Variants in HSBP1L1 observed in about 807,000 individuals in gnomAD.
The protein encoded by HSBP1L1 is heat shock factor binding protein 1 like 1.
HSBP1L1 carries 8 observed loss-of-function variants against 9.7 expected under a neutral mutation model. The observed-to-expected ratio is 0.82, with a 90% CI of 0.48 to 1.48. The LOEUF (loss-of-function observed/expected upper bound fraction) is 1.48. HSBP1L1 is among the 40% of genes most tolerant of loss of function. The pLI is 0.00. For synonymous variants in HSBP1L1, 39 were observed against 34.4 expected (o/e 1.13, Z -0.46); for missense variants, 106 against 95.8 (o/e 1.11, Z -0.44).
Position 79,967,751 on chromosome 18 carries a change from G to A in HSBP1L1, c.119-338G>A, listed in dbSNP as rs1212793864. On this transcript the variant is annotated intron_variant, in intron 2 of 3. Coordinates refer to ENST00000451882, the MANE Select transcript of HSBP1L1 (RefSeq NM_001136180.2). Reference sequence around the variant, plus strand: ...ATCACACCACTGCACTCCAGCCTGGGGGAAGAGCAAGACCCTACAAACAAA... The same window carrying A: ...ATCACACCACTGCACTCCAGCCTGGAGGAAGAGCAAGACCCTACAAACAAA... 5 of 187,526 alleles carry A rather than the reference G, an allele frequency of 2.7e-5. No individual in the cohort carries two copies. In the East Asian group the frequency reaches 7.5e-4, roughly 28 times the overall value. The allele number at this position is 187,526 out of a possible 1,614,324, so 11.6% of individuals were successfully genotyped here.
chr18:79,967,989 A>G (rs1356597750), intron 2 of HSBP1L1, 100 bp from the exon 3 acceptor site: 1 of 646,584 alleles, frequency 1.5e-6, no homozygotes, highest in Non-Finnish European at 2.7e-6. Flanking sequence ...CTCATTTCAA[A>G]AGTTGCATGT....
chr18:79,964,827 C>A, intron 1 of HSBP1L1, 41 bp downstream of exon 1: 4 of 1,177,700 alleles, frequency 3.4e-6, no homozygotes, highest in Non-Finnish European at 4.3e-6. Context: ...TGGATGGGGG[C>A]GCCCCTGCGG....
intron 2 of HSBP1L1, 112 bp from the exon 3 acceptor site, chr18:79,967,977 C>T (rs1435120203): frequency 1.8e-5 from 11 of 615,572 alleles, no homozygotes; most frequent in Non-Finnish European, 2.9e-5. Flanking sequence ...GTCGTTGATT[C>T]CCTCATTTCA....
At chr18:79,969,658 CCTG>C (rs796323504) in intron 3 of HSBP1L1, among the ~76,000 whole-genome samples, 17 of 152,342 alleles carry the variant, frequency 1.1e-4, no homozygotes, top group African/African-American at 4.1e-4. Context: ...AACCAAGTTT[CCTG>C]CAGACACACT....
At chr18:79,966,473 G>A in intron 1 of HSBP1L1, 139 bp from the exon 2 acceptor site, 1 of 598,798 alleles carries the variant, frequency 1.7e-6, no homozygotes, top group South Asian at 1.9e-5. Context: ...AATCCAGGAG[G>A]CGGAGGTTGT....
chr18:79,969,000 G>A (rs1467835608), intron 3 of HSBP1L1, among the ~76,000 whole-genome samples: 2 of 139,160 alleles, frequency 1.4e-5, no homozygotes, highest in Admixed American at 7.5e-5. Flanking sequence ...TGTGAATGGT[G>A]AAAGCCCGTC....
In HSBP1L1 at chr18:79,970,614, T is replaced by C. The variant is rs1172679702; in HGVS notation, c.*163T>C. 1 of 618,608 alleles carries C rather than the reference T, an allele frequency of 1.6e-6. No individual in the cohort carries two copies. The highest frequency in any genetic ancestry group is 1.8e-5 in the African/African-American group (1 of 54,550). 38.3% of individuals were successfully genotyped at this position (618,608 alleles called of 1,614,324 possible). On this transcript the variant is annotated 3_prime_UTR_variant, in exon 4 of 4. Transcript: ENST00000451882. ...GTGCCTGCACCAGAGAAGGAGGCCA[T>C]CGGCAAGCCAAGGAGAGCCCTCCCC... is the stretch of plus-strand genomic sequence containing the variant.
At chr18:79,966,478 G>A in intron 1 of HSBP1L1, 134 bp from the exon 2 acceptor site, 1 of 613,950 alleles carries the variant, frequency 1.6e-6, no homozygotes, top group South Asian at 1.9e-5. Context: ...AGGAGGCGGA[G>A]GTTGTAGTGA....
At chr18:79,969,298 G>A (rs1464642475) in intron 3 of HSBP1L1, among the ~76,000 whole-genome samples, 18 of 67,510 alleles carry the variant, frequency 2.7e-4, no homozygotes, top group African/African-American at 6.8e-4. Flanking sequence ...GAGGGAGGGA[G>A]AGAGAGAGAG....
At chr18:79,965,918 CATG>C (rs926069610) in intron 1 of HSBP1L1, among the ~76,000 whole-genome samples, 3 of 152,090 alleles carry the variant, frequency 2.0e-5, no homozygotes, top group Non-Finnish European at 4.4e-5. Context: ...GGGTTTATCC[CATG>C]ATATTTATTT....
At chr18:79,969,265 AGG>A (rs1568356418) in intron 3 of HSBP1L1, among the ~76,000 whole-genome samples, 226 of 16,218 alleles carry the variant, frequency 0.014, 24 homozygotes, top group African/African-American at 0.031. Context: ...AGAGAGAGGG[AGG>A]GAGGGAGGGA....
At chr18:79,968,211 C>A in intron 3 of HSBP1L1, 28 bp downstream of exon 3, 4 of 1,337,174 alleles carry the variant, frequency 3.0e-6, no homozygotes, top group African/African-American at 1.4e-5. Context: ...CTATGTCAAC[C>A]GTTTTCGTAT....
At chr18:79,969,331 A>AAGAAAGAAAG (rs1351455464) in intron 3 of HSBP1L1, among the ~76,000 whole-genome samples, 1 of 71,974 alleles carries the variant, frequency 1.4e-5, no homozygotes, top group African/African-American at 5.8e-5. Flanking sequence ...GAAAGAAAGA[A>AAGAAAGAAAG]AAAGAAAGAA....
intron 3 of HSBP1L1, chr18:79,970,210 G>C: frequency 2.1e-6 from 1 of 477,626 alleles, no homozygotes; most frequent in South Asian, 3.1e-5. Context: ...TATCTACCTG[G>C]TAAGTGGTTG....
chr18:79,966,747 T>C, intron 2 of HSBP1L1, 69 bp downstream of exon 2: 2 of 1,155,394 alleles, frequency 1.7e-6, no homozygotes, highest in Non-Finnish European at 2.5e-6. Context: ...GAGTATCTTT[T>C]TGTTGTCTGG....
chr18:79,968,518 G>A (rs2051268989), intron 3 of HSBP1L1, among the ~76,000 whole-genome samples: 1 of 152,136 alleles, frequency 6.6e-6, no homozygotes, highest in African/African-American at 2.4e-5. Context: ...TACAGACGGG[G>A]TTTCACTATG....
intron 3 of HSBP1L1, among the ~76,000 whole-genome samples, chr18:79,969,751 CCTTGCTT>C (rs754498622): frequency 1.7e-3 from 264 of 151,724 alleles, no homozygotes; most frequent in Non-Finnish European, 1.3e-3. Context: ...GCCTTCTGCC[CCTTGCTT>C]TTTTGTTCAG....
At chr18:79,965,837 GAA>G (rs953788404) in intron 1 of HSBP1L1, among the ~76,000 whole-genome samples, 2 of 152,196 alleles carry the variant, frequency 1.3e-5, no homozygotes, top group African/African-American at 4.8e-5. Flanking sequence ...GCTGCTTGTT[GAA>G]AAGACTTTCC....
In HSBP1L1 at chr18:79,970,505, C is replaced by G; in HGVS notation, c.*54C>G. ...GCCTCTACAGAAGTCATTAAGGTTA[C>G]ATCGGTCCTGAGGGTGGGGCCCTCA... On this transcript the variant is annotated 3_prime_UTR_variant, in exon 4 of 4. Coordinates refer to ENST00000451882, the MANE Select transcript of HSBP1L1 (RefSeq NM_001136180.2). 1.4e-6 allele frequency: 1 copy of G among 718,166 alleles called. No individual in the cohort carries two copies. The highest frequency in any genetic ancestry group is 1.5e-5 in the South Asian group (1 of 67,590). The allele number at this position is 718,166 out of a possible 1,614,324, so 44.5% of individuals were successfully genotyped here.
Sources: gnomAD v4.1 joint callset for allele counts (sites outside exome capture counted in the v4.1 genomes callset) on GRCh38, gnomAD v4.1.1 for gene constraint, MANE v1.5 for transcripts, NCBI Gene and HGNC (gene_info 2026-07-23, HGNC 2026-07-21) for gene names.